The following ARNT variants were observed in gnomAD, a reference collection of about 807,000 sequenced individuals.
The protein encoded by ARNT is class E basic helix-loop-helix protein 2.
A neutral mutation model predicts 105.0 loss-of-function variants in ARNT; 30 were observed. The ratio of observed to expected loss-of-function variants is 0.29; its 90% CI spans 0.21 to 0.39. ARNT has a LOEUF of 0.39. ARNT is among the 10% of genes least tolerant of loss of function. The pLI is 1.00. For missense variants in ARNT, 748 were observed against 978.7 expected (o/e 0.76, Z 3.15); for synonymous variants, 304 against 344.0 (o/e 0.88, Z 1.29).
chr1:150,823,384 A>G (rs1657509417), intron 13 of ARNT, 39 bp from the exon 14 acceptor site: 1 of 1,531,520 alleles, frequency 6.5e-7, no homozygotes, highest in African/African-American at 1.4e-5. Context: ...ACTCATAGAA[A>G]ATTTTCATTA....
chr1:150,813,036 T>C, intron 21 of ARNT, 136 bp downstream of exon 21: 1 of 969,988 alleles, frequency 1.0e-6, no homozygotes. Context: ...GATCCCTACA[T>C]TTATCCCTCT....
intron 1 of ARNT, among the ~76,000 whole-genome samples, chr1:150,874,448 G>A (rs1667951008): frequency 6.6e-6 from 1 of 152,216 alleles, no homozygotes; most frequent in Non-Finnish European, 1.5e-5. Context: ...AACTTGGAGA[G>A]ACTGAGGCAA....
rs747636674 is a variant in ARNT, at chr1:150,817,082, C to A, written c.1699G>T (p.Asp567Tyr). The change falls in exon 17 of 22, where the codon GAT (aspartate) becomes TAT (tyrosine). Residue 567 changes from aspartate (D) to tyrosine (Y), a missense_variant and splice_region_variant. Transcript: ENST00000358595. Reference protein sequence around the residue: ...FSEIYHNINADQSKGISSSTV... With the variant: ...FSEIYHNINAYQSKGISSSTV... The stretch of plus-strand genomic sequence containing the variant: ...AAAGGATAATGAGAAAGAAACATAC[C>A]CGCATTGATGTTGTGATAGATTTCT... The A allele has an allele frequency of 1.2e-6, 2 of 1,614,018 alleles. No homozygotes were observed. The highest frequency in any genetic ancestry group is 2.2e-5 in the South Asian group (2 of 91,062).
At chr1:150,866,887 C>T (rs1381572090) in intron 1 of ARNT, among the ~76,000 whole-genome samples, 1 of 152,058 alleles carries the variant, frequency 6.6e-6, no homozygotes, top group South Asian at 2.1e-4. Flanking sequence ...CTGGTGAGTA[C>T]ATACATATAT....
At position 150,851,720 on chromosome 1, in the gene ARNT, T is replaced by C. The variant is rs12125396; in HGVS notation, c.182+1042A>G. On this transcript the variant is annotated intron_variant, in intron 3 of 21. Coordinates refer to ENST00000358595, the MANE Select transcript of ARNT (RefSeq NM_001668.4). ...CAAGTACCCAGGGACACAAACACTG[T>C]GGAAGGCCGCAGGGTCCTCTGCCTA... Among the ~76,000 whole-genome samples, 1,110 of 152,026 alleles carry C rather than the reference T, an allele frequency of 7.3e-3. 6 individuals are homozygous for C. Among genetic ancestry groups the C allele is most frequent in the Admixed American group, 0.015 (222 of 15,274 alleles).
At chr1:150,860,448 T>A (rs1259288252) in intron 1 of ARNT, among the ~76,000 whole-genome samples, 4 of 151,082 alleles carry the variant, frequency 2.6e-5, no homozygotes, top group African/African-American at 7.3e-5. Context: ...ACTCCTGACC[T>A]CAAGTGATCC....
At chr1:150,825,145 C>T (rs947875944) in intron 13 of ARNT, among the ~76,000 whole-genome samples, 5 of 152,094 alleles carry the variant, frequency 3.3e-5, no homozygotes, top group South Asian at 2.1e-4. Flanking sequence ...CAGGCATGAG[C>T]GACCATGCCC....
At chr1:150,843,426 T>C (rs904509071) in intron 4 of ARNT, among the ~76,000 whole-genome samples, 1 of 152,186 alleles carries the variant, frequency 6.6e-6, no homozygotes, top group Non-Finnish European at 1.5e-5. Flanking sequence ...TAAAAGATTA[T>C]TTAGCTATTA....
intron 10 of ARNT, 140 bp from the exon 11 acceptor site, chr1:150,830,120 A>ATTAC: frequency 2.3e-6 from 2 of 871,762 alleles, no homozygotes; most frequent in Non-Finnish European, 3.5e-6. Flanking sequence ...ACACTTTGGG[A>ATTAC]AGCCAAGGTG....
rs1654400759 is a variant in ARNT, at chr1:150,809,771, T to C, written c.*2250A>G. ...CATACTGGGGGAAGGCATCCAGATG[T>C]GCCCTAGTGGTTTTCAAGTCCCGAC... On this transcript the variant is annotated 3_prime_UTR_variant, in exon 22 of 22. Transcript: ENST00000358595. The C allele has an allele frequency of 4.6e-6, 1 of 217,574 alleles. No individual in the cohort carries two copies. The allele number at this position is 217,574 out of a possible 1,614,324, so 13.5% of individuals were successfully genotyped here.
chr1:150,840,461 T>C (rs2101965489), intron 5 of ARNT, among the ~76,000 whole-genome samples: 1 of 152,324 alleles, frequency 6.6e-6, no homozygotes, highest in African/African-American at 2.4e-5. Flanking sequence ...ACAGATTTCC[T>C]TGGTCTATAA....
chr1:150,826,351 CA>C (rs1422422266), intron 13 of ARNT, among the ~76,000 whole-genome samples, 191 bp downstream of exon 13: 1 of 152,312 alleles, frequency 6.6e-6, no homozygotes, highest in South Asian at 2.1e-4. Flanking sequence ...TAGCCAAAGC[CA>C]AACAGAAATA....
intron 4 of ARNT, 67 bp downstream of exon 4, chr1:150,846,196 A>G: frequency 7.2e-7 from 1 of 1,391,376 alleles, no homozygotes; most frequent in African/African-American, 1.4e-5. Context: ...TCAATATGCT[A>G]GGACTGTCTG....
chr1:150,854,126 C>T (rs1664118616), intron 2 of ARNT, among the ~76,000 whole-genome samples: 1 of 152,174 alleles, frequency 6.6e-6, no homozygotes, highest in African/African-American at 2.4e-5. Flanking sequence ...CACTCTGTTA[C>T]TCAGGCTGGA....
chr1:150,875,068 G>A (rs1420725823), intron 1 of ARNT, among the ~76,000 whole-genome samples: 2 of 152,124 alleles, frequency 1.3e-5, no homozygotes, highest in Middle Eastern at 3.4e-3. Context: ...ATTTAACTAG[G>A]GTTATATAAG....
At chr1:150,836,779 C>T (rs1660404378) in intron 6 of ARNT, among the ~76,000 whole-genome samples, 1 of 152,212 alleles carries the variant, frequency 6.6e-6, no homozygotes, top group Non-Finnish European at 1.5e-5. Context: ...CAGCGGCTCC[C>T]GCCGGTAATC....
chr1:150,855,656 C>G (rs751983094), intron 2 of ARNT, among the ~76,000 whole-genome samples: 1 of 151,762 alleles, frequency 6.6e-6, no homozygotes, highest in Admixed American at 6.6e-5. Context: ...AATCCCAACA[C>G]TTTAGGACGT....
intron 21 of ARNT, chr1:150,812,544 A>G (rs900173160): frequency 1.3e-5 from 2 of 155,248 alleles, no homozygotes; most frequent in African/African-American, 2.4e-5. Context: ...TAAATAGACC[A>G]TTATGGCTAT....
At chr1:150,856,929 G>A (rs929940830) in intron 2 of ARNT, among the ~76,000 whole-genome samples, 4 of 152,190 alleles carry the variant, frequency 2.6e-5, no homozygotes, top group Non-Finnish European at 5.9e-5. Flanking sequence ...CTGCACTCCA[G>A]CCAGGGTACA....
Sources: allele counts gnomAD v4.1 joint callset (sites outside exome capture counted in the v4.1 genomes callset), GRCh38; gene constraint gnomAD v4.1.1; transcripts MANE v1.5; gene names NCBI Gene and HGNC (gene_info 2026-07-23, HGNC 2026-07-21).